Variants in ZNF483 observed in about 807,000 individuals in gnomAD.
ZNF483 encodes the protein zinc finger protein 483.
A neutral mutation model predicts 28.6 loss-of-function variants in ZNF483; 9 were observed. The ratio of observed to expected loss-of-function variants is 0.32; its 90% confidence interval spans 0.19 to 0.55. The LOEUF is 0.55. Among genes scored for constraint, ZNF483 ranks in the 20% least tolerant of loss-of-function variants. The probability of loss-of-function intolerance (pLI) is 0.93; values close to 1 mark genes in which losing one functional copy is unlikely to be tolerated. For synonymous variants in ZNF483, 322 were observed against 306.2 expected, an observed-to-expected ratio of 1.05 and a Z score of -0.54; for missense variants, 675 against 871.7, an observed-to-expected ratio of 0.77 and a Z score of 2.84.
chr9:111,558,429 G>C (rs1022453822), downstream of ZNF483, among the ~76,000 whole-genome samples: 1 of 152,134 alleles, frequency 6.6e-6, no homozygotes, highest in African/African-American at 2.4e-5. Context: ...TGTTGTCTCA[G>C]CTAGTTGGGA....
At chr9:111,570,848 A>G (rs74308680) in intron 5 of ZNF483, among the ~76,000 whole-genome samples, 10,933 of 152,196 alleles carry the variant, frequency 0.072, 570 homozygotes, top group East Asian at 0.25. Context: ...TGGACCCAAT[A>G]TAACAGCAAA....
intron 3 of ZNF483, among the ~76,000 whole-genome samples, chr9:111,533,330 C>T (rs749018609): frequency 2.1e-4 from 32 of 152,228 alleles, no homozygotes; most frequent in Non-Finnish European, 3.1e-4. Flanking sequence ...AATGATTAGC[C>T]GCTCCGTAGC....
At position 111,547,820 on chromosome 9, in the gene ZNF483, G is replaced by T. The variant is rs1014143447; in HGVS notation, c.*4650G>T. On this transcript the variant is annotated 3_prime_UTR_variant, in exon 6 of 6. Transcript: ENST00000309235. ...TTTTGATTTTTATGTATGGTAAAGG[G>T]TCCATCTTCATTCTTTTGCATGCGA... Among the ~76,000 whole-genome samples the T allele has an allele frequency of 1.3e-5, 2 of 152,020 alleles. No individual in the cohort carries two copies. The highest frequency in any genetic ancestry group is 2.1e-4 in the South Asian group (1 of 4,830).
In ZNF483 at chr9:111,553,689, G is replaced by A. The variant is rs1828037934; in HGVS notation, c.*10519G>A. The stretch of plus-strand genomic sequence containing the variant: ...TCCTATGCAATGCAGTGGTTAAAGT[G>A]AATTGTAGTTCTATCAAAATAAAGA... On this transcript the variant is annotated 3_prime_UTR_variant, in exon 6 of 6. Coordinates refer to ENST00000309235, the MANE Select transcript of ZNF483 (RefSeq NM_133464.5). Among the ~76,000 whole-genome samples the A allele has an allele frequency of 6.6e-6, 1 of 152,208 alleles. No homozygotes were observed. The highest frequency in any genetic ancestry group is 2.4e-5 in the African/African-American group (1 of 41,458).
Position 111,527,677 on chromosome 9 carries a change from T to G in ZNF483, c.282T>G (p.Leu94=), listed in dbSNP as rs1486198646. Reference sequence around the variant, plus strand: ...ACACGAAAGAACAGATTTTAGAGCTTCTGGTGTTTGAGCAGTTCCTGACCA... The same window carrying G: ...ACACGAAAGAACAGATTTTAGAGCTGCTGGTGTTTGAGCAGTTCCTGACCA... The part of the protein sequence containing the change: ...DIHTKEQILE[L]LVFEQFLTIL... The change falls in exon 2 of 6, where the codon CTT becomes CTG. Residue 94 remains leucine, a synonymous_variant. Transcript: ENST00000309235. 1.9e-6 allele frequency: 3 copies of G among 1,614,126 alleles called. No individual in the cohort carries two copies. In the South Asian group the frequency reaches 3.3e-5, roughly 18 times the overall value.
intron 5 of ZNF483, among the ~76,000 whole-genome samples, chr9:111,571,115 C>T (rs1003451894): frequency 1.4e-5 from 2 of 139,908 alleles, no homozygotes; most frequent in African/African-American, 4.9e-5. Flanking sequence ...TCTAGACCTA[C>T]AAGAATAAGT....
chr9:111,538,775 G>A (rs1350801770), intron 5 of ZNF483, among the ~76,000 whole-genome samples: 1 of 151,982 alleles, frequency 6.6e-6, no homozygotes, highest in Admixed American at 6.6e-5. Context: ...AGAGAAAAAA[G>A]TTTTGACAGA....
intron 5 of ZNF483, among the ~76,000 whole-genome samples, chr9:111,561,120 GAGAGAGAGAGAGAGAGA>G (rs1828293140): frequency 7.2e-5 from 4 of 55,866 alleles, no homozygotes; most frequent in East Asian, 3.6e-4. Context: ...TAGAGAGAGA[GAGAGAGAGAGAGAGAGA>G]GGAGAGAGAG....
chr9:111,540,423 T>C (rs1827645203), intron 5 of ZNF483, among the ~76,000 whole-genome samples: 1 of 152,166 alleles, frequency 6.6e-6, no homozygotes, highest in Admixed American at 6.5e-5. Flanking sequence ...TGTAGTTAAT[T>C]AGTGAATTCA....
In ZNF483 at chr9:111,544,986, C is replaced by T. The variant is rs1010616331; in HGVS notation, c.*1816C>T. Among the ~76,000 whole-genome samples, 13 of 152,076 alleles carry T rather than the reference C, an allele frequency of 8.5e-5. 1 individual carries two copies. The highest frequency in any genetic ancestry group is 7.9e-4 in the Admixed American group (12 of 15,256). On this transcript the variant is annotated 3_prime_UTR_variant, in exon 6 of 6. Coordinates refer to ENST00000309235, the MANE Select transcript of ZNF483 (RefSeq NM_133464.5). Reference sequence around the variant, plus strand: ...AAACTCTTCACTTATGGAAGTAAAGCGATCCTTAATGCTAATCTTAGACTC... The same window carrying T: ...AAACTCTTCACTTATGGAAGTAAAGTGATCCTTAATGCTAATCTTAGACTC...
chr9:111,533,007 A>G (rs953747328), intron 3 of ZNF483, among the ~76,000 whole-genome samples: 3 of 152,258 alleles, frequency 2.0e-5, no homozygotes, highest in Non-Finnish European at 2.9e-5. Context: ...GTTGTTGAAC[A>G]TAGATTCTCT....
downstream of ZNF483, among the ~76,000 whole-genome samples, chr9:111,556,630 A>G (rs896867894): frequency 3.3e-5 from 5 of 152,178 alleles, no homozygotes; most frequent in Admixed American, 3.3e-4. Flanking sequence ...GTTTGTATCC[A>G]ATGCTGCGGG....
intron 5 of ZNF483, among the ~76,000 whole-genome samples, chr9:111,535,255 T>A (rs928672900): frequency 3.3e-5 from 5 of 152,208 alleles, no homozygotes; most frequent in Non-Finnish European, 7.3e-5. Context: ...GGTGCATTTT[T>A]ATGGACACTA....
intron 5 of ZNF483, chr9:111,563,217 G>A: frequency 6.2e-7 from 1 of 1,613,124 alleles, no homozygotes; most frequent in Non-Finnish European, 8.5e-7. Context: ...TATATTCCTT[G>A]TACTGGATTT....
rs541804517 is a variant in ZNF483 at position 111,529,535 on chromosome 9, G to C, written c.413-1340G>C. Among the ~76,000 whole-genome samples the C allele has an allele frequency of 5.3e-5, 8 of 152,334 alleles. No homozygotes were observed. In the South Asian group the frequency reaches 1.7e-3, roughly 32 times the overall value. ...GAGACTAACCTGGTGCTTTCATTCA[G>C]TTAGCAGGTTTGAGCAACTCTTGAG... On this transcript the variant is annotated intron_variant, in intron 2 of 5. Coordinates refer to ENST00000309235, the MANE Select transcript of ZNF483 (RefSeq NM_133464.5).
At chr9:111,536,664 C>T (rs1039724103) in intron 5 of ZNF483, among the ~76,000 whole-genome samples, 1 of 152,110 alleles carries the variant, frequency 6.6e-6, no homozygotes, top group African/African-American at 2.4e-5. Context: ...TTCCAGTATA[C>T]AATTGACCCT....
rs1827999455 is a variant in ZNF483 at position 111,552,504 on chromosome 9, A to G, written c.*9334A>G. Among the ~76,000 whole-genome samples the G allele has an allele frequency of 1.3e-5, 2 of 152,322 alleles. No homozygotes were observed. Among genetic ancestry groups the G allele is most frequent in the South Asian group, 2.1e-4 (1 of 4,830 alleles). On this transcript the variant is annotated 3_prime_UTR_variant, in exon 6 of 6. Transcript: ENST00000309235. ...TCCAACATGGATGGTCTTTTGACTTAACTTAGCTGGAGTTCCATCCTTGTG... is the reference window on the plus strand; with the variant it reads ...TCCAACATGGATGGTCTTTTGACTTGACTTAGCTGGAGTTCCATCCTTGTG...
At chr9:111,560,498 G>A (rs1828244121) in intron 5 of ZNF483, among the ~76,000 whole-genome samples, 1 of 145,016 alleles carries the variant, frequency 6.9e-6, no homozygotes, top group African/African-American at 2.6e-5. Context: ...AAGATCAGCC[G>A]GGCATGGTGG....
At chr9:111,558,744 T>C (rs955409796), downstream of ZNF483, among the ~76,000 whole-genome samples, 12 of 152,226 alleles carry the variant, frequency 7.9e-5, no homozygotes, top group African/African-American at 2.2e-4. Flanking sequence ...GTACATATGA[T>C]ATATACACAC....
Sources: allele counts gnomAD v4.1 joint callset (sites outside exome capture counted in the v4.1 genomes callset), GRCh38; gene constraint gnomAD v4.1.1; transcripts MANE v1.5; gene names NCBI Gene and HGNC (gene_info 2026-07-23, HGNC 2026-07-21).